The following SHANK2 variants were observed in gnomAD, a reference collection of about 807,000 sequenced individuals.
SHANK2 encodes SH3 and multiple ankyrin repeat domains protein 2.
In SHANK2, 43 loss-of-function variants were observed where a neutral mutation model predicts 133.7. The ratio of observed to expected loss-of-function variants is 0.32; its 90% confidence interval spans 0.25 to 0.41. The LOEUF (loss-of-function observed/expected upper bound fraction) is 0.41. Ranked by LOEUF, SHANK2 falls within the 10% of genes least tolerant of loss-of-function variation. The probability of loss-of-function intolerance (pLI) is 1.00; values close to 1 mark genes in which losing one functional copy is unlikely to be tolerated. For missense variants in SHANK2, 1,994 were observed against 2,235.8 expected (o/e 0.89, Z 2.18); for synonymous variants, 1,017 against 952.8 (o/e 1.07, Z -1.24).
At chr11:70,664,253 T>C (rs1944638025) in intron 15 of SHANK2, among the ~76,000 whole-genome samples, 1 of 152,112 alleles carries the variant, frequency 6.6e-6, no homozygotes, top group Admixed American at 6.5e-5. Flanking sequence ...TCACCACCCA[T>C]TTTCCCTCTG....
intron 2 of SHANK2, among the ~76,000 whole-genome samples, chr11:71,211,617 A>C (rs1288681490): frequency 6.8e-6 from 1 of 146,706 alleles, no homozygotes. Flanking sequence ...GGTATCTATC[A>C]CCACAATCCA....
chr11:70,760,084 C>T (rs558916257), intron 14 of SHANK2, among the ~76,000 whole-genome samples: 5 of 152,250 alleles, frequency 3.3e-5, no homozygotes, highest in Non-Finnish European at 5.9e-5. Flanking sequence ...TTTTGACATA[C>T]AGAGCCTGAC....
At chr11:70,938,135 G>T (rs1374134734) in intron 10 of SHANK2, among the ~76,000 whole-genome samples, 2 of 152,158 alleles carry the variant, frequency 1.3e-5, no homozygotes, top group Non-Finnish European at 2.9e-5. Context: ...GGACAAATCC[G>T]ATTGGCTCAA....
intron 17 of SHANK2, among the ~76,000 whole-genome samples, chr11:70,644,311 A>G (rs1156377804): frequency 1.3e-5 from 2 of 152,074 alleles, no homozygotes; most frequent in African/African-American, 4.8e-5. Context: ...TGTCCCCATT[A>G]CACACGAACT....
intron 17 of SHANK2, among the ~76,000 whole-genome samples, chr11:70,643,521 G>A (rs193040832): frequency 1.3e-4 from 19 of 148,738 alleles, no homozygotes; most frequent in East Asian, 6.0e-4. Context: ...CTGAGATCAC[G>A]CGCCACTGCA....
rs1555158297 is a variant in SHANK2 at position 70,500,786 on chromosome 11, C to G, written c.2288-196G>C. ...GTGGCTTTCCCCAAACCTTGGCTGC[C>G]CGCACAACTCTGTCCTGTCTGCCCT... is the stretch of plus-strand genomic sequence containing the variant. On this transcript the variant is annotated intron_variant, in intron 20 of 25. Transcript: ENST00000601538. This position sits in a 1 kb window ranked among gnomAD's most constrained non-coding sequence, Gnocchi z 4.5. 2.7e-6 allele frequency: 2 copies of G among 750,908 alleles called. No homozygotes were observed. The highest frequency in any genetic ancestry group is 2.0e-5 in the Admixed American group (1 of 50,010). The allele number at this position is 750,908 out of a possible 1,614,324, so 46.5% of individuals were successfully genotyped here. A position where few individuals can be genotyped will look rare whatever the true frequency, so the allele number is the denominator to read the frequency against.
At chr11:70,745,903 G>A (rs766159499) in intron 14 of SHANK2, among the ~76,000 whole-genome samples, 1 of 152,222 alleles carries the variant, frequency 6.6e-6, no homozygotes, top group Non-Finnish European at 1.5e-5. Flanking sequence ...TCCTTCATCC[G>A]TGTCCTTCAC....
rs550808195 is a variant in SHANK2, at chr11:71,152,136, G to A, written c.-12-4798C>T. ...CACTTTGTTTGTTTTTTATTGAGAC[G>A]GAGTCTCACTCTGTCGCCCAGGCCA... On this transcript the variant is annotated intron_variant, in intron 2 of 25. Transcript: ENST00000601538. Among the ~76,000 whole-genome samples, 5 of 152,148 alleles carry A rather than the reference G, an allele frequency of 3.3e-5. No individual in the cohort carries two copies. In the South Asian group the frequency reaches 6.2e-4, roughly 19 times the overall value.
chr11:70,765,255 G>C (rs1186157943), intron 14 of SHANK2, among the ~76,000 whole-genome samples: 2 of 152,192 alleles, frequency 1.3e-5, no homozygotes, highest in Non-Finnish European at 2.9e-5. Flanking sequence ...CTGGTCAAAG[G>C]GTTCATCCAA....
chr11:70,822,772 T>C lies in SHANK2; in HGVS notation c.1175-2090A>G, dbSNP rs1298384369. Among the ~76,000 whole-genome samples, 156 of 48,908 alleles carry C rather than the reference T, an allele frequency of 3.2e-3. 8 individuals are homozygous for C. The highest frequency in any genetic ancestry group is 5.7e-3 in the Admixed American group (21 of 3,662). 32.1% of individuals were successfully genotyped at this position (48,908 alleles called of 152,430 possible). On this transcript the variant is annotated intron_variant, in intron 11 of 25. Coordinates refer to ENST00000601538, the MANE Select transcript of SHANK2 (RefSeq NM_012309.5). ...ACAGAGGTGGCGCTGGCAGAGGTCA[T>C]GGGGGACAGAGGTGGCGCTGGCAGA...
intron 14 of SHANK2, among the ~76,000 whole-genome samples, chr11:70,747,279 C>T (rs532301518): frequency 4.2e-4 from 64 of 152,086 alleles, no homozygotes; most frequent in African/African-American, 1.4e-3. Flanking sequence ...CGGTGCCATG[C>T]TTAGGATTGC....
rs572631134 is a variant in SHANK2, at chr11:70,725,060, G to C, written c.1778-26297C>G. ...CACAGGTAAGAAAAGATTTTTTAAA[G>C]TATGTTTTAAAAAAGGAATATTCCA... is the stretch of plus-strand genomic sequence containing the variant. On this transcript the variant is annotated intron_variant, in intron 14 of 25. Transcript: ENST00000601538. Among the ~76,000 whole-genome samples, 12 of 152,284 alleles carry C rather than the reference G, an allele frequency of 7.9e-5. No individual in the cohort carries two copies. In the East Asian group the frequency reaches 2.3e-3, roughly 29 times the overall value.
At chr11:70,689,328 T>C (rs976503251) in intron 15 of SHANK2, among the ~76,000 whole-genome samples, 12 of 151,960 alleles carry the variant, frequency 7.9e-5, no homozygotes, top group Non-Finnish European at 1.6e-4. Flanking sequence ...ACGTAAATGG[T>C]CTAATAGAGG....
At chr11:70,579,427 G>T (rs1554984929) in intron 17 of SHANK2, among the ~76,000 whole-genome samples, 1 of 152,206 alleles carries the variant, frequency 6.6e-6, no homozygotes, top group African/African-American at 2.4e-5. Flanking sequence ...CCTTCCTTCT[G>T]CCCAGAAAGT....
At chr11:71,066,486 G>C (rs1243272066) in intron 9 of SHANK2, among the ~76,000 whole-genome samples, 1 of 152,126 alleles carries the variant, frequency 6.6e-6, no homozygotes, top group Non-Finnish European at 1.5e-5. Context: ...TGACGTAAGA[G>C]AAGGCAGAGG....
chr11:71,222,240 C>T (rs1014123034), intron 2 of SHANK2, among the ~76,000 whole-genome samples: 6 of 151,690 alleles, frequency 4.0e-5, no homozygotes, highest in Non-Finnish European at 7.4e-5. Flanking sequence ...GCTGAAAGTG[C>T]CCTGGCCAGA....
At chr11:70,865,797 T>TTCAC (rs1210477301) in intron 11 of SHANK2, among the ~76,000 whole-genome samples, 7 of 152,198 alleles carry the variant, frequency 4.6e-5, no homozygotes, top group Non-Finnish European at 8.8e-5. Context: ...CATTCATTCA[T>TTCAC]TCACTCACTC....
At chr11:71,193,855 G>A (rs1429611686) in intron 2 of SHANK2, among the ~76,000 whole-genome samples, 1 of 152,172 alleles carries the variant, frequency 6.6e-6, no homozygotes, top group Non-Finnish European at 1.5e-5. Flanking sequence ...TCTCTATACA[G>A]CTGTCGTCTT....
rs116293062 is a variant in SHANK2, at chr11:70,921,138, G to T, written c.1108-24571C>A. Among the ~76,000 whole-genome samples, 574 of 152,326 alleles carry T rather than the reference G, an allele frequency of 3.8e-3. 4 individuals carry two copies. The highest frequency in any genetic ancestry group is 0.013 in the African/African-American group (534 of 41,584). ...TCGGAATCAGCCTCCACTGGGCACA[G>T]ACAGATATGATGAAGTAGCTAGAGG... On this transcript the variant is annotated intron_variant, in intron 10 of 25. Coordinates refer to ENST00000601538, the MANE Select transcript of SHANK2 (RefSeq NM_012309.5).
Sources: allele counts gnomAD v4.1 joint callset (sites outside exome capture counted in the v4.1 genomes callset), GRCh38; gene constraint gnomAD v4.1.1; non-coding constraint Gnocchi (gnomAD v3.1); transcripts MANE v1.5; gene names NCBI Gene and HGNC (gene_info 2026-07-23, HGNC 2026-07-21).